Variants in ZNF440 observed in about 807,000 individuals in gnomAD.
ZNF440 encodes zinc finger protein 440.
Under a neutral mutation model 49.7 loss-of-function variants are expected in ZNF440, and 47 were observed. That is an observed-to-expected ratio of 0.95 (90% CI 0.75 to 1.21). ZNF440 has a LOEUF of 1.21. Ranked by LOEUF, ZNF440 falls within the 50% of genes most tolerant of loss-of-function variation. ZNF440 has a pLI of 0.00. For synonymous variants in ZNF440, 255 were observed against 237.7 expected (o/e 1.07, Z -0.67); for missense variants, 703 against 715.0 (o/e 0.98, Z 0.19).
At chr19:11,830,178 C>T (rs563653303) in intron 1 of ZNF440, 105 bp from the exon 2 acceptor site, 89 of 1,548,614 alleles carry the variant, frequency 5.7e-5, no homozygotes, top group East Asian at 4.3e-4. Flanking sequence ...GCAGGGAATA[C>T]GTGTTTGGAG....
In ZNF440 at chr19:11,834,773, A is replaced by G. The variant is rs1975998235; in HGVS notation, c.*1809A>G. 6.6e-6 allele frequency: 1 copy of G among 152,292 alleles called. No individual in the cohort carries two copies. Among genetic ancestry groups the G allele is most frequent in the African/African-American group, 2.4e-5 (1 of 41,476 alleles). The allele number at this position is 152,292 out of a possible 1,614,324, so 9.4% of individuals were successfully genotyped here. ...GTATGTGACACGTGTCTCTCCAACA[A>G]TAAAAGACTTGGCCTTGGCTGGGCA... On this transcript the variant is annotated 3_prime_UTR_variant, in exon 4 of 4. Transcript: ENST00000304060.
At chr19:11,821,935 A>AAC (rs563655031) in intron 1 of ZNF440, among the ~76,000 whole-genome samples, 366 of 152,376 alleles carry the variant, frequency 2.4e-3, no homozygotes, top group African/African-American at 8.6e-3. Context: ...GCTGCAGAGC[A>AAC]ACACAGAGTG....
chr19:11,814,479 G>C, intron 1 of ZNF440, 29 bp downstream of exon 1: 2 of 1,512,214 alleles, frequency 1.3e-6, no homozygotes, highest in Non-Finnish European at 1.8e-6. Context: ...GCGTCCGGGC[G>C]ACTGGGAGAG....
At chr19:11,821,784 A>G (rs758983199) in intron 1 of ZNF440, among the ~76,000 whole-genome samples, 1 of 152,216 alleles carries the variant, frequency 6.6e-6, no homozygotes, top group Non-Finnish European at 1.5e-5. Flanking sequence ...TGAGTGTTTC[A>G]AATTAACTTT....
At chr19:11,827,369 T>C (rs1975880486) in intron 1 of ZNF440, among the ~76,000 whole-genome samples, 1 of 152,210 alleles carries the variant, frequency 6.6e-6, no homozygotes, top group African/African-American at 2.4e-5. Context: ...GCGTTTTGCT[T>C]ATTTTTTGAT....
chr19:11,832,064 C>T lies in ZNF440; in HGVS notation c.888C>T (p.Pro296=). The T allele has an allele frequency of 1.7e-5, 28 of 1,613,984 alleles. No homozygotes were observed. Among genetic ancestry groups the T allele is most frequent in the Non-Finnish European group, 2.3e-5 (27 of 1,180,002 alleles). Residue 296 remains proline (P), a synonymous_variant, in exon 4 of 4, where the codon CCC becomes CCT. Coordinates refer to ENST00000304060, the MANE Select transcript of ZNF440 (RefSeq NM_152357.3). ...AATGTGGAAAAGCATTCACGTGTCC[C>T]CGTTATGTTCGTATACATGAAAGGA... is the stretch of plus-strand genomic sequence containing the variant. ...CKECGKAFTC[P]RYVRIHERTH...
intron 1 of ZNF440, among the ~76,000 whole-genome samples, chr19:11,828,470 C>G (rs1247182379): frequency 1.3e-5 from 2 of 152,154 alleles, no homozygotes; most frequent in Non-Finnish European, 2.9e-5. Flanking sequence ...TAGGCATGAG[C>G]CACCATGCCT....
At chr19:11,817,139 A>G (rs1041760197) in intron 1 of ZNF440, 3 of 152,232 alleles carry the variant, frequency 2.0e-5, no homozygotes, top group African/African-American at 7.2e-5. Context: ...TGGGAAAAAC[A>G]CAGACTCCAG....
At position 11,814,398 on chromosome 19, in the gene ZNF440, T is replaced by C; in HGVS notation, c.-50T>C. The C allele has an allele frequency of 6.4e-7, 1 of 1,555,262 alleles. No individual in the cohort carries two copies. The highest frequency in any genetic ancestry group is 8.7e-7 in the Non-Finnish European group (1 of 1,152,394). On this transcript the variant is annotated 5_prime_UTR_variant, in exon 1 of 4. Coordinates refer to ENST00000304060, the MANE Select transcript of ZNF440 (RefSeq NM_152357.3). ...CTGTAACCTGCACTGTGACCTACAC[T>C]AGTCGCGGGAGCCACGCAGAGGACG...
chr19:11,828,709 A>G (rs1975897340), intron 1 of ZNF440, among the ~76,000 whole-genome samples: 2 of 148,666 alleles, frequency 1.3e-5, no homozygotes, highest in African/African-American at 5.0e-5. Flanking sequence ...TTTTGAATCA[A>G]GTTTCACTCT....
intron 1 of ZNF440, among the ~76,000 whole-genome samples, chr19:11,825,190 A>T (rs1278994904): frequency 6.6e-6 from 1 of 152,128 alleles, no homozygotes; most frequent in Non-Finnish European, 1.5e-5. Flanking sequence ...AAAATAAAAA[A>T]TAAAAACTGT....
intron 1 of ZNF440, among the ~76,000 whole-genome samples, chr19:11,827,842 C>T (rs754112528): frequency 1.3e-5 from 2 of 152,048 alleles, no homozygotes; most frequent in Non-Finnish European, 2.9e-5. Context: ...TCTCGAACTG[C>T]GGGGCTCAAA....
chr19:11,815,602 G>A (rs1367020636), intron 1 of ZNF440, among the ~76,000 whole-genome samples: 1 of 151,970 alleles, frequency 6.6e-6, no homozygotes, highest in African/African-American at 2.4e-5. Context: ...ACTGAGGTAC[G>A]TTAACAATTA....
chr19:11,817,996 GAT>G (rs1053247622), intron 1 of ZNF440, among the ~76,000 whole-genome samples: 1 of 152,104 alleles, frequency 6.6e-6, no homozygotes. Context: ...GATCACTTGA[GAT>G]TAGGGGTTCG....
Position 11,832,757 on chromosome 19 carries a change from T to C in ZNF440, c.1581T>C (p.Cys527=), listed in dbSNP as rs758303244. ...ATGTGGGAAAGCCTTCAGAGCTGTGTCAATCCTTTGAATGCATGGTAGGAC... is the reference window on the plus strand; with the variant it reads ...ATGTGGGAAAGCCTTCAGAGCTGTGCCAATCCTTTGAATGCATGGTAGGAC... The part of the protein sequence containing the change: ...ASNVGKPSEL[C]QSFECMVGLT... The change falls in exon 4 of 4, where the codon TGT becomes TGC. Residue 527 remains cysteine (C), a synonymous_variant. Transcript: ENST00000304060. 1.9e-6 allele frequency: 3 copies of C among 1,610,302 alleles called. No homozygotes were observed. The highest frequency in any genetic ancestry group is 2.5e-6 in the Non-Finnish European group (3 of 1,178,844).
At chr19:11,831,091 C>A (rs1035696738) in intron 3 of ZNF440, among the ~76,000 whole-genome samples, 9 of 152,116 alleles carry the variant, frequency 5.9e-5, no homozygotes, top group Non-Finnish European at 7.4e-5. Flanking sequence ...CAGGATAAGA[C>A]CCTGAAACAA....
chr19:11,826,259 GA>G (rs1975864744), intron 1 of ZNF440, among the ~76,000 whole-genome samples: 1 of 152,050 alleles, frequency 6.6e-6, no homozygotes, highest in African/African-American at 2.4e-5. Flanking sequence ...AGACTGAGAT[GA>G]GATTGCTTAA....
Position 11,833,624 on chromosome 19 carries a change from T to G in ZNF440, c.*660T>G, listed in dbSNP as rs972669955. ...TTATTTCTTCCACTTCTTTTCAATATCATGAAAGGACTCACATGGGAGAGA... is the reference window on the plus strand; with the variant it reads ...TTATTTCTTCCACTTCTTTTCAATAGCATGAAAGGACTCACATGGGAGAGA... On this transcript the variant is annotated 3_prime_UTR_variant, in exon 4 of 4. Coordinates refer to ENST00000304060, the MANE Select transcript of ZNF440 (RefSeq NM_152357.3). 5.8e-6 allele frequency: 2 copies of G among 343,638 alleles called. No homozygotes were observed. The highest frequency in any genetic ancestry group is 4.0e-4 in the Middle Eastern group (1 of 2,512). 21.3% of individuals were successfully genotyped at this position (343,638 alleles called of 1,614,324 possible).
intron 1 of ZNF440, among the ~76,000 whole-genome samples, chr19:11,824,008 A>G (rs1379488727): frequency 6.6e-6 from 1 of 151,838 alleles, no homozygotes; most frequent in Non-Finnish European, 1.5e-5. Flanking sequence ...TGTCGGCAAC[A>G]TGGCAAACTT....
Sources: gnomAD v4.1 joint callset for allele counts (sites outside exome capture counted in the v4.1 genomes callset) on GRCh38, gnomAD v4.1.1 for gene constraint, MANE v1.5 for transcripts, NCBI Gene and HGNC (gene_info 2026-07-23, HGNC 2026-07-21) for gene names.